TMEM98: variants seen among roughly 807,000 people sequenced by gnomAD.
The protein encoded by TMEM98 is transmembrane protein 98.
A neutral mutation model predicts 25.0 loss-of-function variants in TMEM98; 18 were observed. The observed-to-expected ratio is 0.72, with a 90% CI of 0.50 to 1.07. TMEM98 has a LOEUF of 1.07. TMEM98 is among the 50% of genes least tolerant of loss of function. The pLI is 0.00. For synonymous variants in TMEM98, 103 were observed against 112.4 expected (o/e 0.92, Z 0.53); for missense variants, 241 against 289.0 (o/e 0.83, Z 1.20).
At position 32,933,186 on chromosome 17, in the gene TMEM98, C is replaced by T; in HGVS notation, c.144C>T (p.Asp48=). The change falls in exon 4 of 8, where the codon GAC becomes GAT. Residue 48 remains aspartate, a synonymous_variant. Coordinates refer to ENST00000579849, the MANE Select transcript of TMEM98 (RefSeq NM_015544.3). ...CCTTTTCTTCCAGGCCCATTGTGGA[C>T]CTCATTGGTGCCATGGAGACCCAGT... The part of the protein sequence containing the change: ...LQRYDSKPIV[D]LIGAMETQSE... 1 of 1,614,126 alleles carries T rather than the reference C, an allele frequency of 6.2e-7. No individual in the cohort carries two copies. The highest frequency in any genetic ancestry group is 8.5e-7 in the Non-Finnish European group (1 of 1,180,000).
In TMEM98 at chr17:32,939,547, G is replaced by A; in HGVS notation, c.473+11G>A. On this transcript the variant is annotated intron_variant, in intron 7 of 7. Coordinates refer to ENST00000579849, the MANE Select transcript of TMEM98 (RefSeq NM_015544.3). ...ACTCCTGGACGCACGGTGAGACCAGGGGTGGGTGCATGTTCGGTTTTTCAT... is the reference window on the plus strand; with the variant it reads ...ACTCCTGGACGCACGGTGAGACCAGAGGTGGGTGCATGTTCGGTTTTTCAT... 2.2e-5 allele frequency: 36 copies of A among 1,614,072 alleles called. No homozygotes were observed. Among genetic ancestry groups the A allele is most frequent in the Non-Finnish European group, 3.1e-5 (36 of 1,179,936 alleles).
chr17:32,937,693 C>T (rs140458973), intron 6 of TMEM98, among the ~76,000 whole-genome samples: 2,174 of 152,214 alleles, frequency 0.014, 49 homozygotes, highest in African/African-American at 0.046. Flanking sequence ...CGGGTTCAAG[C>T]GATTCTCCTG....
At chr17:32,938,845 G>A (rs1598203944) in intron 6 of TMEM98, among the ~76,000 whole-genome samples, 1 of 152,198 alleles carries the variant, frequency 6.6e-6, no homozygotes, top group East Asian at 1.9e-4. Context: ...CTATTTTTAT[G>A]CAAATGACAG....
intron 7 of TMEM98, among the ~76,000 whole-genome samples, chr17:32,939,946 G>A (rs1334340450): frequency 6.6e-6 from 1 of 152,182 alleles, no homozygotes; most frequent in African/African-American, 2.4e-5. Context: ...TGACAGGTCA[G>A]CCACAGCTGT....
intron 1 of TMEM98, among the ~76,000 whole-genome samples, chr17:32,930,546 A>G (rs564571666): frequency 6.6e-6 from 1 of 152,374 alleles, no homozygotes; most frequent in East Asian, 1.9e-4. Flanking sequence ...AGTTTCCAAC[A>G]CTGAAACTGG....
intron 3 of TMEM98, 59 bp downstream of exon 3, chr17:32,931,718 G>C (rs1310671812): frequency 6.4e-7 from 1 of 1,559,608 alleles, no homozygotes; most frequent in Admixed American, 1.9e-5. Flanking sequence ...GAAAAAGAGA[G>C]GAACACGTAG....
At chr17:32,935,615 G>T (rs1319163461) in intron 5 of TMEM98, among the ~76,000 whole-genome samples, 1 of 152,092 alleles carries the variant, frequency 6.6e-6, no homozygotes, top group Admixed American at 6.5e-5. Context: ...GTGGACCTTT[G>T]GGCTTCTTTC....
intron 7 of TMEM98, 79 bp downstream of exon 7, chr17:32,939,615 G>T: frequency 6.3e-7 from 1 of 1,574,838 alleles, no homozygotes; most frequent in South Asian, 1.1e-5. Context: ...GAGGCTGGCT[G>T]ACTGGCTTGT....
chr17:32,941,368 A>G lies in TMEM98; in HGVS notation c.*375A>G, dbSNP rs2091530328. On this transcript the variant is annotated 3_prime_UTR_variant, in exon 8 of 8. Transcript: ENST00000579849. ...TTCTGGCCTCTCTCGATCGGTCAGA[A>G]TGTGTGGCAATTCTGATCTGCATTT... is the stretch of plus-strand genomic sequence containing the variant. 1 of 167,008 alleles carries G rather than the reference A, an allele frequency of 6.0e-6. No individual in the cohort carries two copies. The highest frequency in any genetic ancestry group is 1.6e-4 in the South Asian group (1 of 6,262). 10.3% of individuals were successfully genotyped at this position (167,008 alleles called of 1,614,324 possible). A position where few individuals can be genotyped will look rare whatever the true frequency, so the allele number is the denominator to read the frequency against.
chr17:32,928,260 G>T (rs2091442832), intron 1 of TMEM98, 23 bp downstream of exon 1: 2 of 149,292 alleles, frequency 1.3e-5, no homozygotes, highest in Admixed American at 6.6e-5. Context: ...CGCCGGGCCG[G>T]GCGGGCCGCG....
At chr17:32,930,150 G>A (rs1461221355) in intron 1 of TMEM98, among the ~76,000 whole-genome samples, 1 of 151,886 alleles carries the variant, frequency 6.6e-6, no homozygotes, top group African/African-American at 2.4e-5. Flanking sequence ...TTTCACGTGG[G>A]GAAATTAAAG....
In TMEM98 at chr17:32,932,258, G is replaced by C. The variant is rs1025573254; in HGVS notation, c.131+599G>C. ...TGGGATTACAGGCATGCACCACCAC[G>C]CCCAGCTAATTTTTGTATTTTTAGT... is the stretch of plus-strand genomic sequence containing the variant. On this transcript the variant is annotated intron_variant, in intron 3 of 7. Transcript: ENST00000579849. Among the ~76,000 whole-genome samples the C allele has an allele frequency of 2.6e-5, 4 of 151,918 alleles. No individual in the cohort carries two copies. The South Asian group carries it at 8.3e-4, about 32-fold the overall frequency.
At chr17:32,931,037 T>C (rs2091465637) in intron 1 of TMEM98, 1 of 153,834 alleles carries the variant, frequency 6.5e-6, no homozygotes, top group African/African-American at 2.4e-5. Context: ...ACCCCGTCTC[T>C]ACTAAAAATA....
At position 32,939,460 on chromosome 17, in the gene TMEM98, C is replaced by A; in HGVS notation, c.414-17C>A. 1 of 1,612,582 alleles carries A rather than the reference C, an allele frequency of 6.2e-7. No homozygotes were observed. The highest frequency in any genetic ancestry group is 8.5e-7 in the Non-Finnish European group (1 of 1,179,452). ...ATCAGGAAAGTGAAGTACTGAACAC[C>A]TTTTGCCTCCGGTCAGGGTGGATGA... On this transcript the variant is annotated splice_polypyrimidine_tract_variant and intron_variant, in intron 6 of 7. Transcript: ENST00000579849.
chr17:32,931,671 T>C lies in TMEM98; in HGVS notation c.131+12T>C. The stretch of plus-strand genomic sequence containing the variant: ...CGCTATGATTCTAAGTGAGTGAGCC[T>C]ATGGAGGGCAAGGAGGAGGGGTGGG... On this transcript the variant is annotated intron_variant, in intron 3 of 7. Transcript: ENST00000579849. 2 of 1,603,470 alleles carry C rather than the reference T, an allele frequency of 1.2e-6. No individual in the cohort carries two copies. Among genetic ancestry groups the C allele is most frequent in the African/African-American group, 1.3e-5 (1 of 74,966 alleles).
chr17:32,934,305 A>G lies in TMEM98; in HGVS notation c.278A>G (p.His93Arg), dbSNP rs1480880613. The G allele has an allele frequency of 1.2e-6, 2 of 1,614,076 alleles. No individual in the cohort carries two copies. Among genetic ancestry groups the G allele is most frequent in the South Asian group, 1.1e-5 (1 of 91,052 alleles). Residue 93 changes from histidine (H) to arginine (R), a missense_variant, in exon 5 of 8, where the codon CAC becomes CGC. Transcript: ENST00000579849. The stretch of plus-strand genomic sequence containing the variant: ...TGTTTCCCCAGGGGTCTCATGTCCC[A>G]CTGCATTGCCATCTTGAAGGTAACC... ...WIEDASGLMS[H>R]CIAILKICHT...
At position 32,941,307 on chromosome 17, in the gene TMEM98, C is replaced by CT. The variant is rs2091529852; in HGVS notation, c.*315dup. 9.6e-6 allele frequency: 2 copies of CT among 207,948 alleles called. No homozygotes were observed. The highest frequency in any genetic ancestry group is 4.6e-5 in the African/African-American group (2 of 43,374). 12.9% of individuals were successfully genotyped at this position (207,948 alleles called of 1,614,324 possible). ...GTTTTCAAGAAAATTGAGCCACCGT[C>CT]TAAGAAATCAAGAGGTTTCACATTA... is the stretch of plus-strand genomic sequence containing the variant. On this transcript the variant is annotated 3_prime_UTR_variant, in exon 8 of 8. Coordinates refer to ENST00000579849, the MANE Select transcript of TMEM98 (RefSeq NM_015544.3).
intron 6 of TMEM98, among the ~76,000 whole-genome samples, chr17:32,937,233 T>C (rs2091501627): frequency 6.6e-6 from 1 of 152,134 alleles, no homozygotes; most frequent in Non-Finnish European, 1.5e-5. Context: ...ACAATGGCAC[T>C]GCTGTGAGTT....
rs539325085 is a variant in TMEM98 at position 32,944,178 on chromosome 17, C to T, written c.*3185C>T. 3.3e-5 allele frequency: 5 copies of T among 152,210 alleles called. No homozygotes were observed. Among genetic ancestry groups the T allele is most frequent in the Admixed American group, 6.5e-5 (1 of 15,276 alleles). The allele number at this position is 152,210 out of a possible 1,614,324, so 9.4% of individuals were successfully genotyped here. On this transcript the variant is annotated 3_prime_UTR_variant, in exon 8 of 8. Transcript: ENST00000579849. ...TCTCCAGAGACCCTGTGTGCCCACA[C>T]GAGCAGACTTTTAGAAAATGGCCTA...
Sources: allele counts gnomAD v4.1 joint callset (sites outside exome capture counted in the v4.1 genomes callset), GRCh38; gene constraint gnomAD v4.1.1; transcripts MANE v1.5; gene names NCBI Gene and HGNC (gene_info 2026-07-23, HGNC 2026-07-21).